Variants in MTHFD1 observed in about 807,000 individuals in gnomAD.
MTHFD1 encodes the protein C-1-tetrahydrofolate synthase, cytoplasmic.
MTHFD1 carries 44 observed loss-of-function variants against 110.3 expected under a neutral mutation model. The ratio of observed to expected loss-of-function variants is 0.40; its 90% CI spans 0.31 to 0.51. The LOEUF (loss-of-function observed/expected upper bound fraction) is 0.51, where lower values mean the gene tolerates loss of function less well. Ranked by LOEUF, MTHFD1 falls within the 20% of genes least tolerant of loss-of-function variation. The pLI, the probability that MTHFD1 is intolerant of heterozygous loss-of-function variation, is 0.60. For missense variants in MTHFD1, 909 were observed against 1,173.1 expected, an observed-to-expected ratio of 0.77 and a Z score of 3.29; for synonymous variants, 402 against 428.8, an observed-to-expected ratio of 0.94 and a Z score of 0.77.
chr14:64,406,585 C>G (rs1207051638), intron 2 of MTHFD1, among the ~76,000 whole-genome samples: 1 of 150,238 alleles, frequency 6.7e-6, no homozygotes, highest in East Asian at 2.0e-4. Flanking sequence ...CTGGATCTCC[C>G]AGGCTCAAGC....
At chr14:64,458,682 T>C (rs2078514573) in intron 27 of MTHFD1, 1 of 331,806 alleles carries the variant, frequency 3.0e-6, no homozygotes. Flanking sequence ...TGACGGTCTG[T>C]ATACTCTGAA....
intron 11 of MTHFD1, among the ~76,000 whole-genome samples, chr14:64,427,016 T>C (rs2078124072): frequency 6.6e-6 from 1 of 152,168 alleles, no homozygotes; most frequent in African/African-American, 2.4e-5. Context: ...GAAAAAGATA[T>C]CTTTCAGGGC....
intron 26 of MTHFD1, among the ~76,000 whole-genome samples, chr14:64,455,343 A>G (rs2078452558): frequency 6.6e-6 from 1 of 152,240 alleles, no homozygotes; most frequent in South Asian, 2.1e-4. Flanking sequence ...GAATTTCCCC[A>G]TTAAAAAATG....
At chr14:64,440,305 T>C (rs1239643759) in intron 18 of MTHFD1, 39 bp downstream of exon 18, 1 of 1,613,770 alleles carries the variant, frequency 6.2e-7, no homozygotes, top group Non-Finnish European at 8.5e-7. Flanking sequence ...GACATATCTG[T>C]GTCTGTTGTC....
intron 21 of MTHFD1, 118 bp from the exon 22 acceptor site, chr14:64,444,575 A>T: frequency 1.8e-6 from 2 of 1,128,416 alleles, no homozygotes; most frequent in Non-Finnish European, 2.7e-6. Flanking sequence ...AAATAATCTT[A>T]TACTACTGTA....
chr14:64,426,244 T>G, intron 11 of MTHFD1, 52 bp downstream of exon 11: 2 of 1,606,646 alleles, frequency 1.2e-6, no homozygotes, highest in Non-Finnish European at 1.7e-6. Context: ...GTCCTGATAC[T>G]AAGGCGTTGC....
At chr14:64,403,179 A>G (rs899602473) in intron 2 of MTHFD1, among the ~76,000 whole-genome samples, 4 of 151,720 alleles carry the variant, frequency 2.6e-5, no homozygotes, top group African/African-American at 7.3e-5. Context: ...CAGTGGTGCA[A>G]TCTTGGCTTA....
intron 2 of MTHFD1, 88 bp downstream of exon 2, chr14:64,400,965 T>C (rs1425588663): frequency 1.0e-6 from 1 of 981,500 alleles, no homozygotes; most frequent in Non-Finnish European, 1.6e-6. Flanking sequence ...TCCTCCTTTT[T>C]TTTTGGCTGT....
chr14:64,441,123 T>G, intron 18 of MTHFD1: 4 of 405,304 alleles, frequency 9.9e-6, no homozygotes, highest in Admixed American at 6.5e-5. Flanking sequence ...ACCTGGGAGG[T>G]GGAGCTTGCA....
At chr14:64,420,030 A>G in intron 8 of MTHFD1, 105 bp downstream of exon 8, 2 of 857,338 alleles carry the variant, frequency 2.3e-6, no homozygotes, top group Admixed American at 2.0e-5. Context: ...TGCTTGTAGT[A>G]CTAAGGTTTA....
At chr14:64,455,978 G>C (rs2078466018) in intron 26 of MTHFD1, among the ~76,000 whole-genome samples, 2 of 152,196 alleles carry the variant, frequency 1.3e-5, no homozygotes, top group African/African-American at 4.8e-5. Context: ...ATCCCTTGTG[G>C]TAGGAATTTT....
chr14:64,395,630 TG>T (rs749197614), intron 1 of MTHFD1, among the ~76,000 whole-genome samples: 8 of 152,168 alleles, frequency 5.3e-5, no homozygotes, highest in African/African-American at 1.2e-4. Context: ...GGTTGTCAAA[TG>T]GGGCAGTTTT....
At chr14:64,405,974 G>A (rs1343327887) in intron 2 of MTHFD1, among the ~76,000 whole-genome samples, 1 of 150,502 alleles carries the variant, frequency 6.6e-6, no homozygotes, top group East Asian at 1.9e-4. Flanking sequence ...CCTTATACTT[G>A]TAGACTGAAG....
intron 22 of MTHFD1, among the ~76,000 whole-genome samples, chr14:64,445,619 G>C (rs144378111): frequency 6.6e-6 from 1 of 152,240 alleles, no homozygotes; most frequent in African/African-American, 2.4e-5. Flanking sequence ...TTCAAAACTG[G>C]CTAGAAAAAA....
At position 64,459,773 on chromosome 14, in the gene MTHFD1, T is replaced by C. The variant is rs1272724570; in HGVS notation, c.*19T>C. 1 of 1,533,884 alleles carries C rather than the reference T, an allele frequency of 6.5e-7. No individual in the cohort carries two copies. Among genetic ancestry groups the C allele is most frequent in the East Asian group, 2.4e-5 (1 of 40,906 alleles). On this transcript the variant is annotated 3_prime_UTR_variant, in exon 28 of 28. Coordinates refer to ENST00000652337, the MANE Select transcript of MTHFD1 (RefSeq NM_005956.4). The stretch of plus-strand genomic sequence containing the variant: ...TTTCCTTCCAGATCACCATCCATCT[T>C]CAAGAAGCTACTTTGAAAGTCTGGC...
At chr14:64,428,548 C>CTTCCACCT (rs1322171686) in intron 12 of MTHFD1, among the ~76,000 whole-genome samples, 2 of 126,914 alleles carry the variant, frequency 1.6e-5, no homozygotes, top group African/African-American at 6.0e-5. Flanking sequence ...CACCTTCACC[C>CTTCCACCT]TTCCACCTTT....
At chr14:64,391,613 G>T (rs1190667985) in intron 1 of MTHFD1, among the ~76,000 whole-genome samples, 1 of 152,186 alleles carries the variant, frequency 6.6e-6, no homozygotes, top group East Asian at 1.9e-4. Context: ...CAGCATTCCA[G>T]ATTCCTTCTC....
chr14:64,449,983 G>A (rs2078344522), intron 24 of MTHFD1, among the ~76,000 whole-genome samples: 2 of 152,162 alleles, frequency 1.3e-5, no homozygotes, highest in Admixed American at 6.5e-5. Context: ...GTAGAGATGG[G>A]GTTTCACCAT....
chr14:64,457,251 A>AT (rs1462548571), intron 26 of MTHFD1, among the ~76,000 whole-genome samples: 1 of 152,186 alleles, frequency 6.6e-6, no homozygotes, highest in Non-Finnish European at 1.5e-5. Context: ...AACAAAATTT[A>AT]AAAGCAGGCA....
Sources: gnomAD v4.1 joint callset for allele counts (sites outside exome capture counted in the v4.1 genomes callset) on GRCh38, gnomAD v4.1.1 for gene constraint, MANE v1.5 for transcripts, NCBI Gene and HGNC (gene_info 2026-07-23, HGNC 2026-07-21) for gene names.